Variants in CRPPA observed in about 807,000 individuals in gnomAD.
CRPPA encodes D-ribitol-5-phosphate cytidylyltransferase.
CRPPA carries 43 observed loss-of-function variants against 52.0 expected under a neutral mutation model. That is an observed-to-expected ratio of 0.83 (90% CI 0.65 to 1.07). The LOEUF (loss-of-function observed/expected upper bound fraction) is 1.07, where lower values mean the gene tolerates loss of function less well. Among genes scored for constraint, CRPPA ranks in the 50% least tolerant of loss-of-function variants. The probability of loss-of-function intolerance (pLI) is 0.00; values close to 1 mark genes in which losing one functional copy is unlikely to be tolerated. For synonymous variants in CRPPA, 250 were observed against 203.5 expected (o/e 1.23, Z -1.94); for missense variants, 629 against 551.7 (o/e 1.14, Z -1.40).
At chr7:16,144,511 G>A (rs1191477123) in intron 9 of CRPPA, among the ~76,000 whole-genome samples, 1 of 152,238 alleles carries the variant, frequency 6.6e-6, no homozygotes, top group Non-Finnish European at 1.5e-5. Context: ...CTTCAGGGAA[G>A]GATGAGCTGA....
intron 6 of CRPPA, chr7:16,261,783 C>T (rs927297963): frequency 2.6e-5 from 4 of 151,970 alleles, no homozygotes; most frequent in Non-Finnish European, 5.9e-5. Flanking sequence ...AGCCATTTTC[C>T]ATTCATTTTC....
chr7:16,409,099 G>A (rs1788021591), intron 1 of CRPPA, among the ~76,000 whole-genome samples: 1 of 152,060 alleles, frequency 6.6e-6, no homozygotes, highest in Non-Finnish European at 1.5e-5. Context: ...ATGAGGTTTC[G>A]CCATACTGGC....
intron 5 of CRPPA, among the ~76,000 whole-genome samples, chr7:16,297,105 C>T (rs986385946): frequency 6.6e-6 from 1 of 152,102 alleles, no homozygotes; most frequent in Non-Finnish European, 1.5e-5. Context: ...ATCCTAGAGT[C>T]GAGTCAAACT....
At chr7:16,400,018 A>C (rs1787762370) in intron 2 of CRPPA, among the ~76,000 whole-genome samples, 1 of 152,172 alleles carries the variant, frequency 6.6e-6, no homozygotes, top group Non-Finnish European at 1.5e-5. Context: ...TGACTCGCGA[A>C]TGACATGATT....
rs549309701 is a variant in CRPPA, at chr7:16,386,537, T to C, written c.535-10296A>G. Among the ~76,000 whole-genome samples the C allele has an allele frequency of 3.3e-5, 5 of 152,272 alleles. No individual in the cohort carries two copies. The South Asian group carries it at 8.3e-4, about 25-fold the overall frequency. On this transcript the variant is annotated intron_variant, in intron 2 of 9. Transcript: ENST00000407010. ...TATCTGTATAAATTATATTGAACAA[T>C]AGATACATAGATAACTGATTAGTCT...
At chr7:16,095,895 G>A (rs555500152) in intron 9 of CRPPA, among the ~76,000 whole-genome samples, 7 of 152,246 alleles carry the variant, frequency 4.6e-5, no homozygotes, top group South Asian at 2.1e-4. Context: ...GAAACTCAAC[G>A]AGGCCTAGCA....
chr7:16,183,518 T>A (rs1048441008), intron 9 of CRPPA, among the ~76,000 whole-genome samples: 1 of 152,126 alleles, frequency 6.6e-6, no homozygotes, highest in Admixed American at 6.6e-5. Flanking sequence ...GGATACAGAT[T>A]TCTCATAAAA....
chr7:16,308,637 AAAC>A lies in CRPPA; in HGVS notation c.685-13_685-11del, dbSNP rs142647500. The A allele has an allele frequency of 3.1e-4, 435 of 1,403,742 alleles. No homozygotes were observed. Among genetic ancestry groups the A allele is most frequent in the East Asian group, 1.9e-3 (81 of 43,012 alleles). 87.0% of individuals were successfully genotyped at this position (1,403,742 alleles called of 1,614,324 possible). On this transcript the variant is annotated splice_polypyrimidine_tract_variant and intron_variant, in intron 3 of 9. Coordinates refer to ENST00000407010, the MANE Select transcript of CRPPA (RefSeq NM_001101426.4). ...AGTCATAGTCACTACACTGGTGTGG[AAAC>A]AACAACAACAACAATTAAGCTAAAA...
intron 3 of CRPPA, among the ~76,000 whole-genome samples, chr7:16,332,652 T>C (rs1255685008): frequency 6.6e-6 from 1 of 152,034 alleles, no homozygotes; most frequent in African/African-American, 2.4e-5. Context: ...GGAAAGCTAT[T>C]ACTGAGAGAG....
At chr7:16,156,050 A>T (rs1268706119) in intron 9 of CRPPA, among the ~76,000 whole-genome samples, 1 of 150,382 alleles carries the variant, frequency 6.6e-6, no homozygotes, top group Non-Finnish European at 1.5e-5. Flanking sequence ...CATCTTTTTT[A>T]TATATATATT....
intron 3 of CRPPA, among the ~76,000 whole-genome samples, chr7:16,375,037 T>G (rs1248027802): frequency 1.3e-5 from 2 of 152,178 alleles, no homozygotes; most frequent in Non-Finnish European, 2.9e-5. Context: ...TAGGCAACAT[T>G]TAACAGAATG....
At chr7:16,127,886 G>A (rs941556015) in intron 9 of CRPPA, among the ~76,000 whole-genome samples, 1 of 152,076 alleles carries the variant, frequency 6.6e-6, no homozygotes, top group Admixed American at 6.6e-5. Flanking sequence ...AATTTTTGTT[G>A]ACTGATTAAA....
intron 3 of CRPPA, among the ~76,000 whole-genome samples, chr7:16,316,011 C>T (rs1366461181): frequency 6.6e-6 from 1 of 152,028 alleles, no homozygotes; most frequent in Non-Finnish European, 1.5e-5. Flanking sequence ...TCCTAAGCTC[C>T]CTACATGCCA....
intron 6 of CRPPA, among the ~76,000 whole-genome samples, chr7:16,273,503 A>T (rs1008303901): frequency 2.6e-5 from 4 of 151,938 alleles, no homozygotes; most frequent in South Asian, 2.1e-4. Context: ...AGAGGTCAGC[A>T]GGGGATAGCC....
At chr7:16,245,848 T>C (rs911480723) in intron 8 of CRPPA, among the ~76,000 whole-genome samples, 11 of 152,178 alleles carry the variant, frequency 7.2e-5, no homozygotes, top group African/African-American at 2.4e-4. Flanking sequence ...CAAACAATAA[T>C]ATACATATCT....
chr7:16,362,991 TAAAAGAACAGAAGTTTCTAG>T (rs1255181714), intron 3 of CRPPA, among the ~76,000 whole-genome samples: 1 of 152,044 alleles, frequency 6.6e-6, no homozygotes, highest in Non-Finnish European at 1.5e-5. Context: ...CTTGAAAATA[TAAAAGAACAGAAGTTTCTAG>T]AAAAATATAC....
intron 3 of CRPPA, among the ~76,000 whole-genome samples, chr7:16,360,806 A>G (rs2128309168): frequency 6.6e-6 from 1 of 152,326 alleles, no homozygotes; most frequent in South Asian, 2.1e-4. Flanking sequence ...CAAAATCTTC[A>G]TGACTAACCT....
At chr7:16,342,107 A>T (rs1325601348) in intron 3 of CRPPA, among the ~76,000 whole-genome samples, 1 of 152,200 alleles carries the variant, frequency 6.6e-6, no homozygotes, top group East Asian at 1.9e-4. Context: ...CATGGGTTTC[A>T]TGAGAACCAT....
chr7:16,286,101 T>TATATATATATATAG (rs1784442956), intron 5 of CRPPA, among the ~76,000 whole-genome samples: 2 of 68,850 alleles, frequency 2.9e-5, no homozygotes, highest in African/African-American at 1.3e-4. Flanking sequence ...AAAAAAAATA[T>TATATATATATATAG]ATATATATAT....
Sources: gnomAD v4.1 joint callset for allele counts (sites outside exome capture counted in the v4.1 genomes callset) on GRCh38, gnomAD v4.1.1 for gene constraint, MANE v1.5 for transcripts, NCBI Gene and HGNC (gene_info 2026-07-23, HGNC 2026-07-21) for gene names.